Variants in MBOAT1 observed in about 807,000 individuals in gnomAD.
The protein encoded by MBOAT1 is membrane bound glycerophospholipid O-acyltransferase 1.
Under a neutral mutation model 64.4 loss-of-function variants are expected in MBOAT1, and 67 were observed. The ratio of observed to expected loss-of-function variants is 1.04; its 90% CI spans 0.85 to 1.27. MBOAT1 has a LOEUF of 1.27. MBOAT1 is among the 50% of genes most tolerant of loss of function. MBOAT1 has a pLI of 0.00. For missense variants in MBOAT1, 563 were observed against 604.6 expected, an observed-to-expected ratio of 0.93 and a Z score of 0.72; for synonymous variants, 229 against 218.9, an observed-to-expected ratio of 1.05 and a Z score of -0.41.
intron 1 of MBOAT1, among the ~76,000 whole-genome samples, chr6:20,179,605 G>GAATAGTGCTGC (rs1452945415): frequency 3.3e-5 from 5 of 152,144 alleles, no homozygotes; most frequent in Non-Finnish European, 7.3e-5. Flanking sequence ...CTGTTATTGT[G>GAATAGTGCTGC]AATAGTGCTG....
intron 1 of MBOAT1, among the ~76,000 whole-genome samples, chr6:20,184,807 G>T (rs1762604662): frequency 6.6e-6 from 1 of 151,586 alleles, no homozygotes; most frequent in South Asian, 2.1e-4. Context: ...TACACATGCT[G>T]GGCTAAATGT....
chr6:20,193,943 T>C (rs1762879904), intron 1 of MBOAT1, among the ~76,000 whole-genome samples: 1 of 152,152 alleles, frequency 6.6e-6, no homozygotes. Flanking sequence ...TTAGAATACA[T>C]GCAAAGATTT....
chr6:20,179,077 C>T (rs1445297169), intron 1 of MBOAT1, among the ~76,000 whole-genome samples: 1 of 151,996 alleles, frequency 6.6e-6, no homozygotes, highest in Non-Finnish European at 1.5e-5. Flanking sequence ...AGTTATTCTT[C>T]CTGATGCTCT....
chr6:20,192,443 CATCCTATCTATTCATTAAGAG>C (rs964317529), intron 1 of MBOAT1, among the ~76,000 whole-genome samples: 22 of 152,200 alleles, frequency 1.4e-4, no homozygotes, highest in Non-Finnish European at 1.5e-5. Context: ...ACTGCCCAGG[CATCCTATCTATTCATTAAGAG>C]AGTCCCAAGA....
intron 6 of MBOAT1, among the ~76,000 whole-genome samples, chr6:20,128,131 C>T (rs765951758): frequency 6.6e-6 from 1 of 152,028 alleles, no homozygotes; most frequent in African/African-American, 2.4e-5. Flanking sequence ...CCCCACATGC[C>T]ATCTTTACTC....
intron 3 of MBOAT1, among the ~76,000 whole-genome samples, chr6:20,147,598 C>T (rs1761364354): frequency 6.6e-6 from 1 of 151,046 alleles, no homozygotes; most frequent in African/African-American, 2.4e-5. Flanking sequence ...AAGATTGCGC[C>T]ATCGCACTCC....
intron 9 of MBOAT1, among the ~76,000 whole-genome samples, chr6:20,116,707 T>C (rs543563304): frequency 6.6e-6 from 1 of 152,226 alleles, no homozygotes; most frequent in African/African-American, 2.4e-5. Flanking sequence ...TTATTCTATA[T>C]CAAATGTATG....
chr6:20,208,444 T>TAAAAAAAAAAAGAAA (rs1561790119), intron 1 of MBOAT1, among the ~76,000 whole-genome samples: 1 of 7,940 alleles, frequency 1.3e-4, no homozygotes, highest in African/African-American at 2.1e-4. Flanking sequence ...AGACTCTGTC[T>TAAAAAAAAAAAGAAA]CAAAAAAAAA....
intron 1 of MBOAT1, among the ~76,000 whole-genome samples, chr6:20,187,331 G>T (rs1290511607): frequency 6.6e-6 from 1 of 152,198 alleles, no homozygotes; most frequent in Non-Finnish European, 1.5e-5. Context: ...GGAGGGAAAA[G>T]GATTATTATT....
chr6:20,119,335 C>T (rs994993846), intron 8 of MBOAT1, among the ~76,000 whole-genome samples: 1 of 152,186 alleles, frequency 6.6e-6, no homozygotes, highest in African/African-American at 2.4e-5. Flanking sequence ...CCTTAATGAA[C>T]TCAACTCACT....
chr6:20,126,476 C>T (rs749790853), intron 7 of MBOAT1, 41 bp downstream of exon 7: 2 of 1,532,816 alleles, frequency 1.3e-6, no homozygotes, highest in Admixed American at 2.2e-5. Context: ...GAGAGTCAAC[C>T]CTGGCAGCAA....
intron 1 of MBOAT1, among the ~76,000 whole-genome samples, chr6:20,196,376 T>C (rs1373235541): frequency 6.6e-6 from 1 of 152,106 alleles, no homozygotes; most frequent in South Asian, 2.1e-4. Context: ...TCTGTTTATA[T>C]TAAATGTCCA....
intron 4 of MBOAT1, among the ~76,000 whole-genome samples, chr6:20,141,359 C>CTTT (rs755615744): frequency 0.029 from 2,857 of 99,736 alleles, 54 homozygotes; most frequent in Non-Finnish European, 0.049. Flanking sequence ...TTTTCTTTTT[C>CTTT]TTTTTTTTTT....
intron 1 of MBOAT1, among the ~76,000 whole-genome samples, chr6:20,159,272 G>T (rs192914635): frequency 6.6e-6 from 1 of 151,988 alleles, no homozygotes. Flanking sequence ...ACTCCCCATC[G>T]CCTGCATTAC....
chr6:20,130,848 AG>A (rs202070158), intron 5 of MBOAT1, among the ~76,000 whole-genome samples: 1,706 of 152,338 alleles, frequency 0.011, 27 homozygotes, highest in African/African-American at 0.038. Context: ...TTGAAAACAA[AG>A]GGCAGAGAGT....
At chr6:20,145,701 G>C (rs2113683347) in intron 3 of MBOAT1, among the ~76,000 whole-genome samples, 1 of 152,298 alleles carries the variant, frequency 6.6e-6, no homozygotes, top group Non-Finnish European at 1.5e-5. Flanking sequence ...AAATGACACT[G>C]CACTGCTCAT....
At chr6:20,170,797 T>C (rs1762166508) in intron 1 of MBOAT1, among the ~76,000 whole-genome samples, 2 of 152,146 alleles carry the variant, frequency 1.3e-5, no homozygotes, top group South Asian at 4.1e-4. Context: ...AATGACCTCT[T>C]TACCTGGGCA....
intron 8 of MBOAT1, 81 bp from the exon 9 acceptor site, chr6:20,118,621 G>C: frequency 3.6e-6 from 4 of 1,109,810 alleles, no homozygotes; most frequent in Non-Finnish European, 5.3e-6. Context: ...TATCTGTCTA[G>C]CTTCAAGATG....
chr6:20,167,010 A>C (rs1350275094), intron 1 of MBOAT1, among the ~76,000 whole-genome samples: 1 of 152,098 alleles, frequency 6.6e-6, no homozygotes, highest in East Asian at 1.9e-4. Context: ...AAAGAAACCC[A>C]TTGTGGTCAA....
Sources: gnomAD v4.1 joint callset for allele counts (sites outside exome capture counted in the v4.1 genomes callset) on GRCh38, gnomAD v4.1.1 for gene constraint, MANE v1.5 for transcripts, NCBI Gene and HGNC (gene_info 2026-07-23, HGNC 2026-07-21) for gene names.